The following SASH1 variants were observed in gnomAD, a reference collection of about 807,000 sequenced individuals.
The protein encoded by SASH1 is SAM and SH3 domain containing 1, also known as SAM and SH3 domain-containing protein 1.
SASH1 carries 44 observed loss-of-function variants against 125.2 expected under a neutral mutation model. That is an observed-to-expected ratio of 0.35 (90% CI 0.28 to 0.45). The LOEUF (loss-of-function observed/expected upper bound fraction) is 0.45. Ranked by LOEUF, SASH1 falls within the 20% of genes least tolerant of loss-of-function variation. The pLI, the probability that SASH1 is intolerant of heterozygous loss-of-function variation, is 1.00. For missense variants in SASH1, 1,426 were observed against 1,614.5 expected (o/e 0.88, Z 2.00); for synonymous variants, 639 against 649.1 (o/e 0.98, Z 0.24).
chr6:148,337,116 T>A (rs1332537973), intron 1 of SASH1, among the ~76,000 whole-genome samples: 2 of 152,156 alleles, frequency 1.3e-5, no homozygotes, highest in African/African-American at 2.4e-5. Context: ...TGCAGTGCAA[T>A]GGTGCAATCT....
intron 8 of SASH1, among the ~76,000 whole-genome samples, chr6:148,506,074 G>A (rs1005465368): frequency 6.6e-6 from 1 of 152,030 alleles, no homozygotes; most frequent in African/African-American, 2.4e-5. Flanking sequence ...CGGCCTGGTT[G>A]TTGGGTTTTT....
chr6:148,411,300 C>A (rs576032613), intron 2 of SASH1, among the ~76,000 whole-genome samples: 26 of 151,552 alleles, frequency 1.7e-4, no homozygotes, highest in African/African-American at 6.3e-4. Flanking sequence ...ATTGATTGAG[C>A]CTTACAGGTA....
chr6:148,463,860 A>C (rs912525997), intron 4 of SASH1, among the ~76,000 whole-genome samples: 1 of 152,162 alleles, frequency 6.6e-6, no homozygotes, highest in Non-Finnish European at 1.5e-5. Context: ...TGCTCAGAGA[A>C]GCCTTCTCTG....
At chr6:148,367,247 A>G (rs187194969) in intron 1 of SASH1, among the ~76,000 whole-genome samples, 1 of 152,142 alleles carries the variant, frequency 6.6e-6, no homozygotes, top group East Asian at 1.9e-4. Flanking sequence ...TTGTTATTGT[A>G]TTAGGTTGGT....
chr6:148,226,782 G>T, the SASH1 span, among the ~76,000 whole-genome samples: 1 of 152,052 alleles, frequency 6.6e-6, no homozygotes, highest in African/African-American at 2.4e-5. Context: ...TCTCTTTTCC[G>T]GTATCTTTCT....
intron 1 of SASH1, among the ~76,000 whole-genome samples, chr6:148,351,508 G>A (rs1428209553): frequency 6.6e-6 from 1 of 151,908 alleles, no homozygotes; most frequent in Non-Finnish European, 1.5e-5. Context: ...CTGCCTGGTT[G>A]TGGCTTCCTT....
At chr6:148,272,901 C>T (rs548573547) in intron 1 of SASH1, among the ~76,000 whole-genome samples, 1 of 152,176 alleles carries the variant, frequency 6.6e-6, no homozygotes, top group South Asian at 2.1e-4. Flanking sequence ...TTTCCGTCTT[C>T]GTCTTCTCTG....
At chr6:148,265,176 G>A in the SASH1 span, among the ~76,000 whole-genome samples, 6 of 152,082 alleles carry the variant, frequency 3.9e-5, no homozygotes, top group African/African-American at 9.7e-5. Context: ...CAGACATGAC[G>A]GCACACACCT....
the SASH1 span, among the ~76,000 whole-genome samples, chr6:148,239,331 T>C: frequency 6.6e-6 from 1 of 152,190 alleles, no homozygotes; most frequent in Non-Finnish European, 1.5e-5. Flanking sequence ...GTTGTCACCA[T>C]GATATGGCCT....
chr6:148,330,811 C>T (rs534118237), intron 1 of SASH1, among the ~76,000 whole-genome samples: 2 of 152,282 alleles, frequency 1.3e-5, no homozygotes, highest in Middle Eastern at 3.4e-3. Flanking sequence ...GTCTCGAACT[C>T]CTGACCTCAG....
At chr6:148,350,268 C>T (rs762865808) in intron 1 of SASH1, among the ~76,000 whole-genome samples, 2 of 152,020 alleles carry the variant, frequency 1.3e-5, no homozygotes, top group Non-Finnish European at 2.9e-5. Context: ...GCCTGGGTAA[C>T]ATAGCGAGAT....
the SASH1 span, among the ~76,000 whole-genome samples, chr6:148,262,576 A>G: frequency 6.6e-6 from 1 of 152,172 alleles, no homozygotes; most frequent in Admixed American, 6.6e-5. Flanking sequence ...CCAGGGAGCA[A>G]GTTGAATAAG....
chr6:148,423,216 C>T (rs746545419), intron 2 of SASH1, among the ~76,000 whole-genome samples: 4 of 152,342 alleles, frequency 2.6e-5, no homozygotes, highest in Admixed American at 6.5e-5. Flanking sequence ...GGATTACAGG[C>T]GTGAGCCACC....
At chr6:148,449,343 T>TA in intron 4 of SASH1, among the ~76,000 whole-genome samples, 1 of 151,842 alleles carries the variant, frequency 6.6e-6, no homozygotes, top group Non-Finnish European at 1.5e-5. Context: ...GTGCTAGGAT[T>TA]ACAGGTGTGA....
chr6:148,360,643 C>T (rs965010855), intron 1 of SASH1, among the ~76,000 whole-genome samples: 3 of 147,008 alleles, frequency 2.0e-5, no homozygotes, highest in Non-Finnish European at 4.5e-5. Context: ...GCCACCCCCC[C>T]GCCAGGCTTT....
At chr6:148,459,482 G>T (rs1777517255) in intron 4 of SASH1, among the ~76,000 whole-genome samples, 1 of 152,284 alleles carries the variant, frequency 6.6e-6, no homozygotes, top group South Asian at 2.1e-4. Flanking sequence ...TTAACTTTCG[G>T]TACAAGTCAC....
At chr6:148,401,206 A>G (rs1481487809) in intron 2 of SASH1, among the ~76,000 whole-genome samples, 3 of 151,396 alleles carry the variant, frequency 2.0e-5, no homozygotes, top group Admixed American at 6.6e-5. Flanking sequence ...GTGAGCCGAG[A>G]TTGCACCACT....
At chr6:148,464,138 A>G (rs923493038) in intron 4 of SASH1, among the ~76,000 whole-genome samples, 5 of 152,212 alleles carry the variant, frequency 3.3e-5, no homozygotes, top group Non-Finnish European at 7.3e-5. Flanking sequence ...GGATTGATAA[A>G]TTCCTTAATG....
In SASH1 at chr6:148,533,415, C is replaced by T. The variant is rs527288583; in HGVS notation, c.1735-356C>T. On this transcript the variant is annotated intron_variant, in intron 14 of 19. Coordinates refer to ENST00000367467, the MANE Select transcript of SASH1 (RefSeq NM_015278.5). This position sits in a 1 kb window ranked among gnomAD's most constrained non-coding sequence, Gnocchi z 6.2. Reference sequence around the variant, plus strand: ...CACTGGTTAGGACAGGTGGGAAGTGCCTCCTCTAAGAAGTGGGAGCCCTCT... The same window carrying T: ...CACTGGTTAGGACAGGTGGGAAGTGTCTCCTCTAAGAAGTGGGAGCCCTCT... Among the ~76,000 whole-genome samples, 1 of 152,296 alleles carries T rather than the reference C, an allele frequency of 6.6e-6. No homozygotes were observed. Among genetic ancestry groups the T allele is most frequent in the East Asian group, 1.9e-4 (1 of 5,162 alleles).
Sources: gnomAD v4.1 joint callset for allele counts (sites outside exome capture counted in the v4.1 genomes callset) on GRCh38, gnomAD v4.1.1 for gene constraint, Gnocchi (gnomAD v3.1) non-coding constraint, MANE v1.5 for transcripts, NCBI Gene and HGNC (gene_info 2026-07-23, HGNC 2026-07-21) for gene names.